Variants in ADAMTS3 observed in about 807,000 individuals in gnomAD.
ADAMTS3 encodes ADAM metallopeptidase with thrombospondin type 1 motif 3.
A neutral mutation model predicts 129.0 loss-of-function variants in ADAMTS3; 73 were observed. The ratio of observed to expected loss-of-function variants is 0.57; its 90% CI spans 0.47 to 0.69. ADAMTS3 has a LOEUF of 0.69. Among genes scored for constraint, ADAMTS3 ranks in the 30% least tolerant of loss-of-function variants. The pLI is 0.00. For missense variants in ADAMTS3, 1,457 were observed against 1,514.5 expected (o/e 0.96, Z 0.63); for synonymous variants, 477 against 510.8 (o/e 0.93, Z 0.89).
intron 3 of ADAMTS3, among the ~76,000 whole-genome samples, chr4:72,458,258 GC>G (rs1718676541): frequency 6.6e-6 from 1 of 151,552 alleles, no homozygotes; most frequent in African/African-American, 2.4e-5. Context: ...GTTCATAGCA[GC>G]CAATCATCCC....
intron 3 of ADAMTS3, among the ~76,000 whole-genome samples, chr4:72,480,605 T>A (rs1719406142): frequency 6.6e-6 from 1 of 151,506 alleles, no homozygotes; most frequent in Non-Finnish European, 1.5e-5. Flanking sequence ...AAATGACGAG[T>A]TAATGGGTGC....
At chr4:72,286,332 C>A (rs1302674611) in intron 21 of ADAMTS3, among the ~76,000 whole-genome samples, 2 of 152,098 alleles carry the variant, frequency 1.3e-5, no homozygotes, top group Non-Finnish European at 2.9e-5. Flanking sequence ...AAAGTTTGTT[C>A]TTTTGGTTTT....
At chr4:72,368,084 C>T (rs574671763) in intron 4 of ADAMTS3, among the ~76,000 whole-genome samples, 1 of 152,254 alleles carries the variant, frequency 6.6e-6, no homozygotes, top group South Asian at 2.1e-4. Context: ...TACGCTAAAA[C>T]ATGTTCTCAT....
rs1463438644 is a variant in ADAMTS3 at position 72,425,097 on chromosome 4, A to T, written c.505-10126T>A. On this transcript the variant is annotated intron_variant, in intron 3 of 21. Transcript: ENST00000286657. Reference sequence around the variant, plus strand: ...AACAAGAAAGCATATTCTTCCAGAAATTTGTGAATTATGGGATTAAATGTA... The same window carrying T: ...AACAAGAAAGCATATTCTTCCAGAATTTTGTGAATTATGGGATTAAATGTA... Among the ~76,000 whole-genome samples the T allele has an allele frequency of 3.3e-5, 5 of 152,134 alleles. 1 individual carries two copies. In the South Asian group the frequency reaches 6.2e-4, roughly 19 times the overall value.
intron 3 of ADAMTS3, among the ~76,000 whole-genome samples, chr4:72,482,366 G>A (rs1441116522): frequency 6.6e-6 from 1 of 151,820 alleles, no homozygotes; most frequent in African/African-American, 2.4e-5. Context: ...AACAACCTGA[G>A]TGAATCTCCA....
chr4:72,392,908 C>A (rs1721634432), intron 4 of ADAMTS3, among the ~76,000 whole-genome samples: 1 of 142,624 alleles, frequency 7.0e-6, no homozygotes, highest in Non-Finnish European at 1.5e-5. Flanking sequence ...ATTCTTCTAC[C>A]CATCGGATTT....
In ADAMTS3 at chr4:72,288,843, G is replaced by A. The variant is rs200215356; in HGVS notation, c.2957C>T (p.Thr986Met). ...SECSVTCGEG[T>M]EVRQVLCRAG... ...CCTGCAGAGGACCTGCCTCACCTCC[G>A]TTCCTTCACCGCAGGTCACTGAACA... Residue 986 changes from threonine to methionine, a missense_variant, in exon 21 of 22, where the codon ACG becomes ATG. Coordinates refer to ENST00000286657, the MANE Select transcript of ADAMTS3 (RefSeq NM_014243.3). The A allele has an allele frequency of 2.2e-5, 36 of 1,612,062 alleles. No individual in the cohort carries two copies. Among genetic ancestry groups the A allele is most frequent in the Non-Finnish European group, 2.8e-5 (33 of 1,179,378 alleles).
At chr4:72,430,054 T>C (rs1163878697) in intron 3 of ADAMTS3, among the ~76,000 whole-genome samples, 1 of 152,018 alleles carries the variant, frequency 6.6e-6, no homozygotes, top group Non-Finnish European at 1.5e-5. Flanking sequence ...CCCTATTGTG[T>C]TGAAAAAAGA....
chr4:72,500,792 T>C (rs1719997694), intron 3 of ADAMTS3, among the ~76,000 whole-genome samples: 1 of 152,154 alleles, frequency 6.6e-6, no homozygotes, highest in Non-Finnish European at 1.5e-5. Flanking sequence ...AATTTTTATA[T>C]AAAGTGAAAG....
intron 3 of ADAMTS3, among the ~76,000 whole-genome samples, chr4:72,477,878 G>A (rs570618345): frequency 1.9e-4 from 29 of 152,166 alleles, no homozygotes; most frequent in South Asian, 6.2e-4. Context: ...CGATCCCACC[G>A]AAATACAAAC....
intron 3 of ADAMTS3, among the ~76,000 whole-genome samples, chr4:72,434,063 C>T (rs1276608454): frequency 6.6e-6 from 1 of 151,722 alleles, no homozygotes; most frequent in Non-Finnish European, 1.5e-5. Flanking sequence ...TCCCAGCCTT[C>T]AAGCTTGAGT....
At chr4:72,498,738 C>T (rs1416918422) in intron 3 of ADAMTS3, among the ~76,000 whole-genome samples, 1 of 151,870 alleles carries the variant, frequency 6.6e-6, no homozygotes, top group East Asian at 1.9e-4. Context: ...CTAGGATTCA[C>T]TTCCAAAGTT....
chr4:72,401,988 C>T (rs901903710), intron 4 of ADAMTS3, among the ~76,000 whole-genome samples: 2 of 152,114 alleles, frequency 1.3e-5, no homozygotes, highest in Admixed American at 6.6e-5. Flanking sequence ...GACACTGAAT[C>T]GATCTCATTG....
At chr4:72,509,384 A>G (rs971307029) in intron 3 of ADAMTS3, among the ~76,000 whole-genome samples, 3 of 151,846 alleles carry the variant, frequency 2.0e-5, no homozygotes, top group African/African-American at 7.3e-5. Context: ...CTTTAGCCAA[A>G]CTAAGAAGAG....
intron 4 of ADAMTS3, among the ~76,000 whole-genome samples, chr4:72,409,327 C>CT (rs1722129957): frequency 6.6e-6 from 1 of 152,190 alleles, no homozygotes; most frequent in East Asian, 1.9e-4. Context: ...ATTGATACAG[C>CT]TTTTTTCTGA....
At chr4:72,408,672 A>C (rs1172193391) in intron 4 of ADAMTS3, among the ~76,000 whole-genome samples, 1 of 150,666 alleles carries the variant, frequency 6.6e-6, no homozygotes, top group African/African-American at 2.4e-5. Flanking sequence ...CCACTTACTA[A>C]CATGAAAGTT....
At position 72,411,492 on chromosome 4, in the gene ADAMTS3, T is replaced by C. The variant is rs750634194; in HGVS notation, c.661+3323A>G. On this transcript the variant is annotated intron_variant, in intron 4 of 21. Transcript: ENST00000286657. ...GTGTATACCTTCAGATTCTCAGTGATACACCTGAGAATGACAGAGTAGAAG... is the reference window on the plus strand; with the variant it reads ...GTGTATACCTTCAGATTCTCAGTGACACACCTGAGAATGACAGAGTAGAAG... Among the ~76,000 whole-genome samples, 6 of 151,998 alleles carry C rather than the reference T, an allele frequency of 3.9e-5. No homozygotes were observed. The South Asian group carries it at 1.2e-3, about 31-fold the overall frequency.
chr4:72,541,607 T>C (rs527656123), intron 3 of ADAMTS3, among the ~76,000 whole-genome samples: 2 of 152,330 alleles, frequency 1.3e-5, no homozygotes, highest in South Asian at 2.1e-4. Context: ...TCACATGTCA[T>C]GGGAGGTACT....
intron 4 of ADAMTS3, among the ~76,000 whole-genome samples, chr4:72,347,060 C>G (rs971246140): frequency 1.3e-5 from 2 of 152,152 alleles, no homozygotes; most frequent in South Asian, 4.1e-4. Context: ...AAGCTGGAAA[C>G]TGGAGGAATA....
Sources: allele counts gnomAD v4.1 joint callset (sites outside exome capture counted in the v4.1 genomes callset), GRCh38; gene constraint gnomAD v4.1.1; transcripts MANE v1.5; gene names NCBI Gene and HGNC (gene_info 2026-07-23, HGNC 2026-07-21).